CERKL: variants seen among roughly 807,000 people sequenced by gnomAD.
CERKL encodes the protein CERK like autophagy regulator, also known as ceramide kinase-like protein.
A neutral mutation model predicts 63.4 loss-of-function variants in CERKL; 61 were observed. The ratio of observed to expected loss-of-function variants is 0.96; its 90% confidence interval spans 0.78 to 1.19. CERKL has a LOEUF of 1.19. Among genes scored for constraint, CERKL ranks in the 50% most tolerant of loss-of-function variants. CERKL has a pLI of 0.00. For synonymous variants in CERKL, 250 were observed against 230.5 expected, an observed-to-expected ratio of 1.08 and a Z score of -0.77; for missense variants, 675 against 655.5, an observed-to-expected ratio of 1.03 and a Z score of -0.33.
chr2:181,644,845 C>A (rs1687602576), intron 1 of CERKL, among the ~76,000 whole-genome samples: 1 of 152,102 alleles, frequency 6.6e-6, no homozygotes, highest in South Asian at 2.1e-4. Context: ...ACAAAGGAAG[C>A]TAATTCCCAG....
At chr2:181,650,784 AAGAAC>A (rs146715060) in intron 1 of CERKL, among the ~76,000 whole-genome samples, 13,339 of 152,012 alleles carry the variant, frequency 0.088, 1,163 homozygotes, top group African/African-American at 0.23. Context: ...AAAGAAAAAA[AAGAAC>A]AGAACAAACT....
rs532134494 is a variant in CERKL, at chr2:181,599,334, G to A, written c.481+4503C>T. ...GTAAATCACCTGAGTTCAGGAGTTC[G>A]AGACCAGCTCAGCCAACATGGCAAA... is the stretch of plus-strand genomic sequence containing the variant. On this transcript the variant is annotated intron_variant, in intron 2 of 12. Coordinates refer to ENST00000410087, the MANE Select transcript of CERKL (RefSeq NM_201548.5). Among the ~76,000 whole-genome samples, 292 of 152,046 alleles carry A rather than the reference G, an allele frequency of 1.9e-3. 2 individuals are homozygous for A. The highest frequency in any genetic ancestry group is 2.8e-3 in the Non-Finnish European group (190 of 67,962).
At chr2:181,547,898 G>GACACAC (rs377332590) in intron 8 of CERKL, 51 bp from the exon 9 acceptor site, 175 of 760,326 alleles carry the variant, frequency 2.3e-4, no homozygotes, top group South Asian at 4.1e-4. Context: ...CGCGCGCACA[G>GACACAC]ACACACAGAC....
intron 1 of CERKL, among the ~76,000 whole-genome samples, chr2:181,617,866 G>A (rs946460012): frequency 1.3e-5 from 2 of 152,134 alleles, no homozygotes; most frequent in Admixed American, 6.5e-5. Flanking sequence ...ACAATTATCT[G>A]AACATATTAA....
chr2:181,654,339 C>A (rs988241879), intron 1 of CERKL, among the ~76,000 whole-genome samples: 2 of 152,130 alleles, frequency 1.3e-5, no homozygotes, highest in Admixed American at 1.3e-4. Context: ...TTTACCCTGC[C>A]AACAAGACCA....
chr2:181,625,317 C>T (rs536866720), intron 1 of CERKL, among the ~76,000 whole-genome samples: 1 of 149,970 alleles, frequency 6.7e-6, no homozygotes, highest in African/African-American at 2.5e-5. Context: ...GAATGAAAAA[C>T]AGAGTGAATG....
intron 1 of CERKL, among the ~76,000 whole-genome samples, chr2:181,650,782 A>G (rs1163225396): frequency 6.7e-6 from 1 of 148,832 alleles, no homozygotes; most frequent in East Asian, 1.9e-4. Context: ...AGAAAGAAAA[A>G]AAAGAACAGA....
Position 181,547,982 on chromosome 2 carries a change from ATAGT to A in CERKL, c.1134-139_1134-136del, listed in dbSNP as rs1687810314. On this transcript the variant is annotated intron_variant, in intron 8 of 12. Coordinates refer to ENST00000410087, the MANE Select transcript of CERKL (RefSeq NM_201548.5). ...TATGTTAAATACTTTCTTCAATTAG[ATAGT>A]AAGTAAAAACGTACAATTTTGTTGC... 5 of 807,332 alleles carry A rather than the reference ATAGT, an allele frequency of 6.2e-6. No homozygotes were observed. The Admixed American group carries it at 1.2e-4, about 19-fold the overall frequency. The allele number at this position is 807,332 out of a possible 1,614,324, so 50.0% of individuals were successfully genotyped here. A position where few individuals can be genotyped will look rare whatever the true frequency, so the allele number is the denominator to read the frequency against.
intron 1 of CERKL, among the ~76,000 whole-genome samples, chr2:181,609,169 A>G (rs939851294): frequency 1.2e-4 from 18 of 151,980 alleles, no homozygotes; most frequent in African/African-American, 3.9e-4. Context: ...GCTGAGTTAC[A>G]TATGTATACA....
intron 4 of CERKL, among the ~76,000 whole-genome samples, chr2:181,564,223 C>T (rs1361818569): frequency 6.6e-6 from 1 of 152,128 alleles, no homozygotes; most frequent in African/African-American, 2.4e-5. Context: ...CTGTGCCTCC[C>T]AGTTCCTAAA....
intron 2 of CERKL, among the ~76,000 whole-genome samples, chr2:181,601,647 G>C (rs1685462757): frequency 1.3e-5 from 2 of 152,218 alleles, no homozygotes; most frequent in African/African-American, 2.4e-5. Flanking sequence ...CCATTCATTT[G>C]TGTCTGATGA....
At chr2:181,609,263 C>G (rs890938917) in intron 1 of CERKL, among the ~76,000 whole-genome samples, 1 of 121,206 alleles carries the variant, frequency 8.3e-6, no homozygotes, top group Non-Finnish European at 1.7e-5. Flanking sequence ...CCCCTCCCCC[C>G]ACCCCAAGTA....
At chr2:181,562,640 A>G (rs1470500987) in intron 4 of CERKL, among the ~76,000 whole-genome samples, 1 of 152,200 alleles carries the variant, frequency 6.6e-6, no homozygotes, top group Non-Finnish European at 1.5e-5. Context: ...TGTTTTTAAA[A>G]TAAGTAAACT....
chr2:181,638,047 G>C (rs1293753561), intron 1 of CERKL, among the ~76,000 whole-genome samples: 1 of 152,136 alleles, frequency 6.6e-6, no homozygotes. Flanking sequence ...GTTATAGTTA[G>C]GAATCAGGAC....
intron 4 of CERKL, among the ~76,000 whole-genome samples, chr2:181,563,862 A>G (rs1474484725): frequency 6.6e-6 from 1 of 152,122 alleles, no homozygotes; most frequent in African/African-American, 2.4e-5. Flanking sequence ...TCCAACTACC[A>G]TATCAGCTTC....
intron 2 of CERKL, among the ~76,000 whole-genome samples, chr2:181,576,008 T>C (rs368750989): frequency 6.6e-6 from 1 of 152,304 alleles, no homozygotes; most frequent in African/African-American, 2.4e-5. Flanking sequence ...ATCTTTATAC[T>C]ATTTACATGA....
chr2:181,579,578 T>C lies in CERKL; in HGVS notation c.482-5694A>G, dbSNP rs571502128. ...ATTTGCCTTAATAACTTATGTTTTCTCCATACTGAAAGTTTTCGCTTACAC... is the reference window on the plus strand; with the variant it reads ...ATTTGCCTTAATAACTTATGTTTTCCCCATACTGAAAGTTTTCGCTTACAC... On this transcript the variant is annotated intron_variant, in intron 2 of 12. Transcript: ENST00000410087. 1.6e-4 allele frequency among the ~76,000 whole-genome samples: 25 copies of C among 152,056 alleles called. No individual in the cohort carries two copies. The South Asian group carries it at 4.6e-3, about 28-fold the overall frequency.
At chr2:181,580,856 T>C (rs535194850) in intron 2 of CERKL, among the ~76,000 whole-genome samples, 9 of 152,278 alleles carry the variant, frequency 5.9e-5, no homozygotes, top group African/African-American at 2.2e-4. Context: ...CTTAAGGGTA[T>C]AACGAACATC....
intron 2 of CERKL, among the ~76,000 whole-genome samples, 157 bp from the exon 3 acceptor site, chr2:181,574,041 CTT>C (rs1689021711): frequency 6.6e-6 from 1 of 151,968 alleles, no homozygotes; most frequent in Admixed American, 6.6e-5. Context: ...CTGAATATAA[CTT>C]TATTTGAAAA....
Sources: gnomAD v4.1 joint callset for allele counts (sites outside exome capture counted in the v4.1 genomes callset) on GRCh38, gnomAD v4.1.1 for gene constraint, MANE v1.5 for transcripts, NCBI Gene and HGNC (gene_info 2026-07-23, HGNC 2026-07-21) for gene names.